Variants in GPR75 observed in about 807,000 individuals in gnomAD.
GPR75 encodes the protein probable G protein-coupled receptor 75.
GPR75 carries 27 observed loss-of-function variants against 26.0 expected under a neutral mutation model. The observed-to-expected ratio is 1.04, with a 90% CI of 0.77 to 1.43. GPR75 has a LOEUF of 1.43. GPR75 is among the 40% of genes most tolerant of loss of function. GPR75 has a pLI of 0.00. For missense variants in GPR75, 699 were observed against 662.3 expected, an observed-to-expected ratio of 1.06 and a Z score of -0.61; for synonymous variants, 285 against 256.3, an observed-to-expected ratio of 1.11 and a Z score of -1.07.
intron 1 of GPR75, among the ~76,000 whole-genome samples, chr2:53,855,222 A>C (rs1678196781): frequency 6.6e-6 from 1 of 152,142 alleles, no homozygotes; most frequent in Non-Finnish European, 1.5e-5. Flanking sequence ...ACAGAAAAAG[A>C]TACAAATACA....
chr2:53,857,124 CG>C (rs1324193601), intron 1 of GPR75, among the ~76,000 whole-genome samples: 4 of 149,760 alleles, frequency 2.7e-5, no homozygotes, highest in African/African-American at 9.8e-5. Context: ...CCACCGTGCC[CG>C]GCTAATTTTT....
rs745521976 is a variant in GPR75 at position 53,853,388 on chromosome 2, T to G, written c.1369A>C (p.Ser457Arg). Residue 457 changes from serine to arginine, a missense_variant, in exon 2 of 2, where the codon AGT becomes CGT. Physicochemically the swap from Ser to Arg is moderately radical, Grantham distance 110. Coordinates refer to ENST00000394705, the MANE Select transcript of GPR75 (RefSeq NM_006794.4). ...GPSHSKESMV[S>R]PKISAGHQHC... ...TGATGTCCAGCAGAGATCTTGGGAC[T>G]CACCATACTTTCTTTTGAATGACTT... is the stretch of plus-strand genomic sequence containing the variant. 6.2e-7 allele frequency: 1 copy of G among 1,614,154 alleles called. No homozygotes were observed. Among genetic ancestry groups the G allele is most frequent in the Non-Finnish European group, 8.5e-7 (1 of 1,180,002 alleles).
In GPR75 at chr2:53,853,435, A is replaced by C; in HGVS notation, c.1322T>G (p.Phe441Cys). ...ACTTGGGCCACAAGCCTGGTCCACA[A>C]ATTTCTTCTGTGGCTTTGGAGATAA... ...YMLSPKPQKK[F>C]VDQACGPSHS... is the part of the protein sequence containing the mutation. Residue 441 changes from phenylalanine (F) to cysteine (C), a missense_variant, in exon 2 of 2, where the codon TTT becomes TGT. Transcript: ENST00000394705. The C allele has an allele frequency of 1.2e-6, 2 of 1,614,062 alleles. No homozygotes were observed.
rs2104392574 is a variant in GPR75 at position 53,853,974 on chromosome 2, T to A, written c.783A>T (p.Gly261=). The change falls in exon 2 of 2, where the codon GGA becomes GGT. Residue 261 remains glycine (G), a synonymous_variant. Transcript: ENST00000394705. Reference sequence around the variant, plus strand: ...CCGGCATGGCACACTGGATGGGATCTCCACCTCCCTGCACAGGGACCCCCA... The same window carrying A: ...CCGGCATGGCACACTGGATGGGATCACCACCTCCCTGCACAGGGACCCCCA... ...PFMGVPVQGG[G]DPIQCAMPAL... 6.2e-7 allele frequency: 1 copy of A among 1,614,118 alleles called. No homozygotes were observed. Among genetic ancestry groups the A allele is most frequent in the East Asian group, 2.2e-5 (1 of 44,876 alleles).
chr2:53,858,402 G>GAC (rs61090357), intron 1 of GPR75, among the ~76,000 whole-genome samples: 16,123 of 144,940 alleles, frequency 0.11, 997 homozygotes, highest in African/African-American at 0.17. Context: ...GATACAGATA[G>GAC]ACACACACAC....
Position 53,853,625 on chromosome 2 carries a change from G to A in GPR75, c.1132C>T (p.Arg378Trp), listed in dbSNP as rs150401369. The change falls in exon 2 of 2, where the codon CGG becomes TGG. Residue 378 changes from arginine to tryptophan, a missense_variant. Arg to Trp is a moderately radical substitution (Grantham distance 101). Transcript: ENST00000394705. ...TTCCTTCTCAGCCCTGCACTGTTCC[G>A]AGAATATATAAAAGGGTTTAATCCT... The part of the protein sequence containing the change: ...KSGLNPFIYS[R>W]NSAGLRRKVL... 51 of 1,613,804 alleles carry A rather than the reference G, an allele frequency of 3.2e-5. No individual in the cohort carries two copies. Among genetic ancestry groups the A allele is most frequent in the East Asian group, 4.5e-5 (2 of 44,904 alleles).
Position 53,853,725 on chromosome 2 carries a change from C to A in GPR75, c.1032G>T (p.Val344=). The change falls in exon 2 of 2, where the codon GTG becomes GTT. Residue 344 remains valine, a synonymous_variant. Coordinates refer to ENST00000394705, the MANE Select transcript of GPR75 (RefSeq NM_006794.4). ...CLPLGISLVQ[V]VLSSNGSFIL... ...TGAAGCTCCCATTGCTGGAGAGAAC[C>A]ACCTGTACCAAGGAAATCCCCAGTG... 6.2e-7 allele frequency: 1 copy of A among 1,613,940 alleles called. No homozygotes were observed. Among genetic ancestry groups the A allele is most frequent in the South Asian group, 1.1e-5 (1 of 91,066 alleles).
chr2:53,854,098 A>G lies in GPR75; in HGVS notation c.659T>C (p.Val220Ala). 2 of 1,614,172 alleles carry G rather than the reference A, an allele frequency of 1.2e-6. No homozygotes were observed. Among genetic ancestry groups the G allele is most frequent in the Non-Finnish European group, 1.7e-6 (2 of 1,180,026 alleles). ...DFTFCVAVVSVSYIMIAQTLR... is the reference protein window; with the variant it reads ...DFTFCVAVVSASYIMIAQTLR... ...GGTCTGAGCAATCATGATGTAAGAG[A>G]CAGAGACCACAGCAACACAGAAGGT... Residue 220 changes from valine (V) to alanine (A), a missense_variant, in exon 2 of 2, where the codon GTC becomes GCC. Val to Ala is a moderately conservative substitution (Grantham distance 64). Transcript: ENST00000394705.
Position 53,853,852 on chromosome 2 carries a change from C to A in GPR75, c.905G>T (p.Arg302Leu), listed in dbSNP as rs537227401. 3.1e-6 allele frequency: 5 copies of A among 1,614,046 alleles called. No homozygotes were observed. The highest frequency in any genetic ancestry group is 2.2e-5 in the East Asian group (1 of 44,870). The change falls in exon 2 of 2, where the codon CGA becomes CTA. Residue 302 changes from arginine (R) to leucine (L), a missense_variant. By Grantham distance (102) the Arg-to-Leu change is moderately radical (BLOSUM62 -2). Transcript: ENST00000394705. ...PNQLVTPAAS[R>L]LQLVSAINLS... ...GTTGATGGCTGATACGAGCTGGAGT[C>A]GGCTTGCTGCAGGGGTGACCAGTTG...
rs765370781 is a variant in GPR75, at chr2:53,854,718, G to A, written c.39C>T (p.Ala13=). The change falls in exon 2 of 2, where the codon GCC becomes GCT. Residue 13 remains alanine, a synonymous_variant. Coordinates refer to ENST00000394705, the MANE Select transcript of GPR75 (RefSeq NM_006794.4). ...GTGAGTGAGGCACATGGAGCGAGGT[G>A]GCATTGGGGGCATCCTGAAGGTGGC... ...STGHLQDAPN[A]TSLHVPHSQE... 7.4e-6 allele frequency: 12 copies of A among 1,613,926 alleles called. No homozygotes were observed. In the South Asian group the frequency reaches 1.3e-4, roughly 18 times the overall value.
rs757574567 is a variant in GPR75, at chr2:53,853,256, G to T, written c.1501C>A (p.Gln501Lys). Residue 501 changes from glutamine to lysine, a missense_variant, in exon 2 of 2, where the codon CAG becomes AAG. By Grantham distance (53) the Gln-to-Lys change is moderately conservative. Coordinates refer to ENST00000394705, the MANE Select transcript of GPR75 (RefSeq NM_006794.4). ...GCAAATCCAAAAGAGTTTACTGGCT[G>T]TAAGTTACATGGGCTGCTCTCCTCC... ...SQEESSPCNL[Q>K]PVNSFGFANS... 145 of 1,614,048 alleles carry T rather than the reference G, an allele frequency of 9.0e-5. No individual in the cohort carries two copies. The highest frequency in any genetic ancestry group is 1.1e-4 in the Non-Finnish European group (135 of 1,179,996).
At position 53,854,432 on chromosome 2, in the gene GPR75, A is replaced by T; in HGVS notation, c.325T>A (p.Ser109Thr). 1 of 1,614,168 alleles carries T rather than the reference A, an allele frequency of 6.2e-7. No individual in the cohort carries two copies. The highest frequency in any genetic ancestry group is 8.5e-7 in the Non-Finnish European group (1 of 1,179,994). Residue 109 changes from serine (S) to threonine (T), a missense_variant, in exon 2 of 2, where the codon TCA (serine) becomes ACA (threonine). Physicochemically the swap from Ser to Thr is moderately conservative, Grantham distance 58. Transcript: ENST00000394705. ...PMFTFVLFFS[S>T]ASSIPDAFCF... ...AAAGCATCCGGGATACTACTGGCTG[A>T]GCTGAAGAATAACACAAAGGTGAAC...
chr2:53,855,887 C>T (rs1678213782), intron 1 of GPR75, among the ~76,000 whole-genome samples: 1 of 152,096 alleles, frequency 6.6e-6, no homozygotes, highest in African/African-American at 2.4e-5. Context: ...TGGAAAAAAA[C>T]CTTGTGTAGG....
Position 53,853,754 on chromosome 2 carries a change from G to C in GPR75, c.1003C>G (p.Leu335Val). Residue 335 changes from leucine (L) to valine (V), a missense_variant, in exon 2 of 2, where the codon CTT becomes GTT. By Grantham distance (32) the Leu-to-Val change is conservative. Transcript: ENST00000394705. ...TGTACCAAGGAAATCCCCAGTGGAAGACAGCACACCAGGACTGACAGCACA... is the reference window on the plus strand; with the variant it reads ...TGTACCAAGGAAATCCCCAGTGGAACACAGCACACCAGGACTGACAGCACA... ...IIVLSVLVCC[L>V]PLGISLVQVV... The C allele has an allele frequency of 6.2e-7, 1 of 1,614,170 alleles. No homozygotes were observed. The highest frequency in any genetic ancestry group is 8.5e-7 in the Non-Finnish European group (1 of 1,180,016).
In GPR75 at chr2:53,854,352, T is replaced by G. The variant is rs148279329; in HGVS notation, c.405A>C (p.Thr135=). ...SSGFIIMSLK[T]VAVIALHRLR... The stretch of plus-strand genomic sequence containing the variant: ...GCCGGTGCAGGGCGATCACTGCCAC[T>G]GTCTTCAGAGACATGATGATGAAGC... The change falls in exon 2 of 2, where the codon ACA becomes ACC. Residue 135 remains threonine, a synonymous_variant. Coordinates refer to ENST00000394705, the MANE Select transcript of GPR75 (RefSeq NM_006794.4). 6.2e-7 allele frequency: 1 copy of G among 1,614,088 alleles called. No homozygotes were observed. The highest frequency in any genetic ancestry group is 8.5e-7 in the Non-Finnish European group (1 of 1,180,028).
chr2:53,855,524 G>A (rs952404412), intron 1 of GPR75, among the ~76,000 whole-genome samples: 1 of 152,098 alleles, frequency 6.6e-6, no homozygotes. Flanking sequence ...GGTGCTATGA[G>A]AGCATGGAAG....
rs761674718 is a variant in GPR75 at position 53,854,358 on chromosome 2, CAG to C, written c.397_398del (p.Leu133GlufsTer20). On this transcript the variant is annotated frameshift_variant, in exon 2 of 2. Coordinates refer to ENST00000394705, the MANE Select transcript of GPR75 (RefSeq NM_006794.4). LOFTEE classifies it high-confidence loss of function. ...GCAGGGCGATCACTGCCACTGTCTT[CAG>C]AGACATGATGATGAAGCCTGAACTG... Reference protein sequence around the residue: ...LTSSGFIIMSLKTVAVIALHR... With the variant: ...LTSSGFIIMSXKTVAVIALHR... 6.2e-7 allele frequency: 1 copy of C among 1,614,044 alleles called. No homozygotes were observed. Among genetic ancestry groups the C allele is most frequent in the South Asian group, 1.1e-5 (1 of 91,060 alleles).
chr2:53,856,350 A>G (rs1170597153), intron 1 of GPR75, among the ~76,000 whole-genome samples: 3 of 152,208 alleles, frequency 2.0e-5, no homozygotes, highest in African/African-American at 7.2e-5. Context: ...AGACAGCACT[A>G]TGTTCTTGAC....
Position 53,853,112 on chromosome 2 carries a change from A to G in GPR75, c.*22T>C, listed in dbSNP as rs1189104079. On this transcript the variant is annotated 3_prime_UTR_variant, in exon 2 of 2. Transcript: ENST00000394705. Reference sequence around the variant, plus strand: ...ATCAGAAACAAAAACTGTTTACATAAGATCCTATAGCCTCCATGACTTTAA... The same window carrying G: ...ATCAGAAACAAAAACTGTTTACATAGGATCCTATAGCCTCCATGACTTTAA... 1 of 1,570,398 alleles carries G rather than the reference A, an allele frequency of 6.4e-7. No homozygotes were observed.
Sources: allele counts gnomAD v4.1 joint callset (sites outside exome capture counted in the v4.1 genomes callset), GRCh38; gene constraint gnomAD v4.1.1; transcripts MANE v1.5; gene names NCBI Gene and HGNC (gene_info 2026-07-23, HGNC 2026-07-21).